FGF14: variants seen among roughly 807,000 people sequenced by gnomAD.
FGF14 encodes fibroblast growth factor homologous factor 4.
In FGF14, 5 loss-of-function variants were observed where a neutral mutation model predicts 25.5. The observed-to-expected ratio is 0.20, with a 90% CI of 0.10 to 0.41. The LOEUF is 0.41. Ranked by LOEUF, FGF14 falls within the 10% of genes least tolerant of loss-of-function variation. The probability of loss-of-function intolerance (pLI) is 1.00; values close to 1 mark genes in which losing one functional copy is unlikely to be tolerated. For synonymous variants in FGF14, 138 were observed against 118.3 expected, an observed-to-expected ratio of 1.17 and a Z score of -1.08; for missense variants, 222 against 320.1, an observed-to-expected ratio of 0.69 and a Z score of 2.34.
At chr13:101,821,207 C>T (rs1256771772) in intron 3 of FGF14, among the ~76,000 whole-genome samples, 1 of 152,200 alleles carries the variant, frequency 6.6e-6, no homozygotes, top group African/African-American at 2.4e-5. Context: ...CTCGGCCTCC[C>T]AAAGTGCTGG....
At chr13:101,973,103 A>T (rs1162629959) in intron 1 of FGF14, among the ~76,000 whole-genome samples, 1 of 148,916 alleles carries the variant, frequency 6.7e-6, no homozygotes, top group African/African-American at 2.5e-5. Flanking sequence ...CTGACAGCAC[A>T]TCATAAAGTG....
At chr13:102,067,344 A>G (rs576913645) in intron 1 of FGF14, among the ~76,000 whole-genome samples, 1 of 152,144 alleles carries the variant, frequency 6.6e-6, no homozygotes, top group South Asian at 2.1e-4. Context: ...TGGAAATAAC[A>G]CTTTTTTATT....
intron 1 of FGF14, among the ~76,000 whole-genome samples, chr13:102,357,730 A>G (rs1431496393): frequency 6.6e-6 from 1 of 152,182 alleles, no homozygotes; most frequent in African/African-American, 2.4e-5. Flanking sequence ...GTGTTCAATA[A>G]ATGTCACTTT....
chr13:102,035,190 T>C (rs565845347), intron 1 of FGF14, among the ~76,000 whole-genome samples: 5 of 152,222 alleles, frequency 3.3e-5, no homozygotes, highest in African/African-American at 1.2e-4. Context: ...ACAAAATTCA[T>C]ATCAGAAATA....
intron 3 of FGF14, among the ~76,000 whole-genome samples, chr13:101,843,441 T>G (rs951368215): frequency 6.6e-6 from 1 of 152,044 alleles, no homozygotes; most frequent in African/African-American, 2.4e-5. Context: ...CTCCCATTGA[T>G]GCTCACTCTG....
chr13:102,260,256 TA>T (rs2141113369), intron 1 of FGF14, among the ~76,000 whole-genome samples: 1 of 152,350 alleles, frequency 6.6e-6, no homozygotes, highest in African/African-American at 2.4e-5. Flanking sequence ...TATTTATATC[TA>T]AAGTTAAAAC....
chr13:102,007,134 T>C (rs1291333098), intron 1 of FGF14, among the ~76,000 whole-genome samples: 1 of 152,162 alleles, frequency 6.6e-6, no homozygotes, highest in Non-Finnish European at 1.5e-5. Context: ...CATTTATAAA[T>C]AAAGTTTTAA....
intron 1 of FGF14, among the ~76,000 whole-genome samples, chr13:102,311,111 T>C (rs1261120687): frequency 6.6e-6 from 1 of 152,176 alleles, no homozygotes; most frequent in Non-Finnish European, 1.5e-5. Context: ...CGTTGCACCC[T>C]CATTCAGTGT....
intron 1 of FGF14, among the ~76,000 whole-genome samples, chr13:102,187,751 T>G (rs2048933948): frequency 6.6e-6 from 1 of 152,146 alleles, no homozygotes; most frequent in African/African-American, 2.4e-5. Context: ...AAGCCATAGT[T>G]ACAGTTGGTT....
At chr13:102,226,062 T>C in intron 1 of FGF14, among the ~76,000 whole-genome samples, 1 of 152,242 alleles carries the variant, frequency 6.6e-6, no homozygotes, top group East Asian at 1.9e-4. Flanking sequence ...AATTATACTT[T>C]GGTTCACGCG....
intron 1 of FGF14, among the ~76,000 whole-genome samples, chr13:102,117,318 G>A (rs564431390): frequency 1.1e-4 from 16 of 151,930 alleles, no homozygotes; most frequent in South Asian, 4.2e-4. Flanking sequence ...GTCTGCTCCC[G>A]TCCTGACTTG....
At chr13:101,794,917 C>A (rs1159856423) in intron 3 of FGF14, among the ~76,000 whole-genome samples, 1 of 152,032 alleles carries the variant, frequency 6.6e-6, no homozygotes, top group African/African-American at 2.4e-5. Context: ...GAAAAATCTA[C>A]AAGATGGTGA....
intron 1 of FGF14, among the ~76,000 whole-genome samples, chr13:102,388,699 AG>A: frequency 6.6e-6 from 1 of 152,356 alleles, no homozygotes; most frequent in Admixed American, 6.5e-5. Flanking sequence ...TCGAACTAAC[AG>A]AAGGACATTT....
At chr13:102,169,980 T>C (rs1194532310) in intron 1 of FGF14, among the ~76,000 whole-genome samples, 1 of 152,118 alleles carries the variant, frequency 6.6e-6, no homozygotes, top group East Asian at 1.9e-4. Context: ...GGCTGTGGAA[T>C]TGAAACCCAT....
At chr13:101,871,575 T>C (rs753124494) in intron 2 of FGF14, among the ~76,000 whole-genome samples, 10 of 152,032 alleles carry the variant, frequency 6.6e-5, no homozygotes, top group South Asian at 2.1e-4. Context: ...CCATAGTTAA[T>C]AGTGTATTGA....
chr13:102,300,733 A>G (rs2054993749), intron 1 of FGF14, among the ~76,000 whole-genome samples: 1 of 152,124 alleles, frequency 6.6e-6, no homozygotes, highest in Non-Finnish European at 1.5e-5. Flanking sequence ...CACAGTGCAT[A>G]TTTGTTGACT....
chr13:102,105,676 C>T (rs1024283205), intron 1 of FGF14, among the ~76,000 whole-genome samples: 2 of 152,098 alleles, frequency 1.3e-5, no homozygotes, highest in Non-Finnish European at 2.9e-5. Context: ...TCCAATAGGG[C>T]TTAGCTGACA....
intron 1 of FGF14, among the ~76,000 whole-genome samples, chr13:101,950,879 A>G (rs993822496): frequency 1.3e-5 from 2 of 152,080 alleles, no homozygotes; most frequent in East Asian, 1.9e-4. Flanking sequence ...CCACAAACAA[A>G]AAGGGGTTAC....
chr13:101,823,044 C>T (rs2042232202), intron 3 of FGF14, among the ~76,000 whole-genome samples: 2 of 152,004 alleles, frequency 1.3e-5, no homozygotes, highest in Non-Finnish European at 2.9e-5. Flanking sequence ...AATTTCATTC[C>T]TTTTTATGGC....
Sources: gnomAD v4.1 joint callset for allele counts (sites outside exome capture counted in the v4.1 genomes callset) on GRCh38, gnomAD v4.1.1 for gene constraint, MANE v1.5 for transcripts, NCBI Gene and HGNC (gene_info 2026-07-23, HGNC 2026-07-21) for gene names.